The following FER variants were observed in gnomAD, a reference collection of about 807,000 sequenced individuals.
FER encodes the protein FER tyrosine kinase.
Under a neutral mutation model 111.0 loss-of-function variants are expected in FER, and 63 were observed. The observed-to-expected ratio is 0.57, with a 90% CI of 0.46 to 0.70. The LOEUF (loss-of-function observed/expected upper bound fraction) is 0.70, where lower values mean the gene tolerates loss of function less well. Ranked by LOEUF, FER falls within the 30% of genes least tolerant of loss-of-function variation. The pLI is 0.00. For synonymous variants in FER, 327 were observed against 313.9 expected (o/e 1.04, Z -0.44); for missense variants, 914 against 954.0 (o/e 0.96, Z 0.55).
intron 16 of FER, among the ~76,000 whole-genome samples, chr5:109,089,263 T>C (rs1777900811): frequency 6.6e-6 from 1 of 152,202 alleles, no homozygotes; most frequent in Non-Finnish European, 1.5e-5. Flanking sequence ...AAAATAGTAC[T>C]GTTGAACCCT....
At position 109,088,114 on chromosome 5, in the gene FER, A is replaced by G. The variant is rs997023765; in HGVS notation, c.1925-12282A>G. ...GTTTTATACACACAGGAGTATTTGC[A>G]CTTGGGATCATAGTGAAAAATGTAT... is the stretch of plus-strand genomic sequence containing the variant. On this transcript the variant is annotated intron_variant, in intron 16 of 19. Transcript: ENST00000281092. Among the ~76,000 whole-genome samples, 3 of 152,078 alleles carry G rather than the reference A, an allele frequency of 2.0e-5. No homozygotes were observed. The South Asian group carries it at 6.2e-4, about 32-fold the overall frequency.
chr5:108,870,114 TA>T (rs573254448), intron 6 of FER, among the ~76,000 whole-genome samples: 134 of 152,258 alleles, frequency 8.8e-4, no homozygotes, highest in African/African-American at 2.9e-3. Flanking sequence ...ATCACTGGAA[TA>T]TTTTTTTGAG....
At chr5:108,763,889 G>A (rs1305233576) in intron 1 of FER, among the ~76,000 whole-genome samples, 1 of 152,084 alleles carries the variant, frequency 6.6e-6, no homozygotes, top group East Asian at 1.9e-4. Flanking sequence ...CTTTGTTTGG[G>A]TTGCTTGATT....
intron 18 of FER, among the ~76,000 whole-genome samples, chr5:109,184,627 A>G (rs945111865): frequency 6.6e-6 from 1 of 152,238 alleles, no homozygotes; most frequent in African/African-American, 2.4e-5. Flanking sequence ...ACTTGTAGCC[A>G]TAGAATGATT....
At chr5:108,964,489 C>T (rs1183635748) in intron 13 of FER, among the ~76,000 whole-genome samples, 2 of 152,156 alleles carry the variant, frequency 1.3e-5, no homozygotes, top group Admixed American at 1.3e-4. Flanking sequence ...TACTGACTGT[C>T]TATTCTCCTT....
intron 13 of FER, among the ~76,000 whole-genome samples, chr5:109,025,550 A>G (rs1768590553): frequency 1.3e-5 from 2 of 151,702 alleles, no homozygotes; most frequent in African/African-American, 2.4e-5. Context: ...TAGATATACA[A>G]TCATGTCGTC....
rs1467196248 is a variant in FER, at chr5:109,192,654, A to ATCTT, written c.*5081_*5084dup. The ATCTT allele has an allele frequency of 1.3e-5, 2 of 152,132 alleles. No individual in the cohort carries two copies. The highest frequency in any genetic ancestry group is 2.4e-5 in the African/African-American group (1 of 41,448). 9.4% of individuals were successfully genotyped at this position (152,132 alleles called of 1,614,324 possible). ...ACTGATTATCCACACGTTATTAGAA[A>ATCTT]TCTTTGGTTACAGTGAGGCTTAACC... On this transcript the variant is annotated 3_prime_UTR_variant, in exon 20 of 20. Coordinates refer to ENST00000281092, the MANE Select transcript of FER (RefSeq NM_005246.4).
At chr5:109,056,083 A>T (rs1424021072) in intron 16 of FER, among the ~76,000 whole-genome samples, 1 of 152,190 alleles carries the variant, frequency 6.6e-6, no homozygotes, top group African/African-American at 2.4e-5. Flanking sequence ...GATAACAAAT[A>T]TTGGCAGGGG....
chr5:109,180,670 A>G (rs1388646035), intron 17 of FER, 77 bp from the exon 18 acceptor site: 17 of 1,463,048 alleles, frequency 1.2e-5, no homozygotes, highest in Non-Finnish European at 1.5e-5. Context: ...TAAAAATGCA[A>G]AGTGTGGAAA....
chr5:108,793,795 GT>G (rs56884995), intron 2 of FER, among the ~76,000 whole-genome samples: 66,024 of 151,616 alleles, frequency 0.44, 16,425 homozygotes, highest in African/African-American at 0.69. Context: ...TTCATTGTAT[GT>G]TTTTTTGATT....
chr5:108,835,566 T>C (rs1760566537), intron 4 of FER, 142 bp from the exon 5 acceptor site: 2 of 455,220 alleles, frequency 4.4e-6, no homozygotes, highest in Non-Finnish European at 4.0e-6. Context: ...ACTTGTAGTT[T>C]ATTTTCTATA....
chr5:109,051,377 G>A lies in FER; in HGVS notation c.1924+4179G>A, dbSNP rs1445284224. ...CGACTGCTGGCTCTGCTTGAAGGTT[G>A]CTGGTCCACAATGGCTAGTGGCTGT... On this transcript the variant is annotated intron_variant, in intron 16 of 19. Transcript: ENST00000281092. The A allele has an allele frequency of 6.2e-6, 10 of 1,611,526 alleles. No homozygotes were observed. The East Asian group carries it at 2.0e-4, about 32-fold the overall frequency.
At chr5:109,059,698 T>C (rs1245928217) in intron 16 of FER, among the ~76,000 whole-genome samples, 1 of 152,126 alleles carries the variant, frequency 6.6e-6, no homozygotes, top group Non-Finnish European at 1.5e-5. Context: ...GTGATAAAAA[T>C]ATGAGGAAAC....
At chr5:109,164,236 TTAA>T (rs1561978008) in intron 17 of FER, among the ~76,000 whole-genome samples, 2 of 152,198 alleles carry the variant, frequency 1.3e-5, no homozygotes, top group South Asian at 4.1e-4. Context: ...CAGTGCCTTT[TTAA>T]TAATTAGACC....
At position 109,051,168 on chromosome 5, in the gene FER, A is replaced by G. The variant is rs1321950377; in HGVS notation, c.1924+3970A>G. 7.6e-6 allele frequency: 5 copies of G among 655,920 alleles called. No homozygotes were observed. In the East Asian group the frequency reaches 1.1e-4, roughly 14 times the overall value. 40.6% of individuals were successfully genotyped at this position (655,920 alleles called of 1,614,324 possible). On this transcript the variant is annotated intron_variant, in intron 16 of 19. Coordinates refer to ENST00000281092, the MANE Select transcript of FER (RefSeq NM_005246.4). ...CACCCCCAGTGAACCTAGGTATTCT[A>G]ATGTCTTTGTGTTTTCTAAGCCTCA...
chr5:109,032,398 G>A (rs1561802017), intron 13 of FER, among the ~76,000 whole-genome samples: 1 of 152,072 alleles, frequency 6.6e-6, no homozygotes, highest in Admixed American at 6.6e-5. Context: ...ACAGGTAATA[G>A]CTTACCTTAT....
At chr5:108,953,329 A>T (rs1758008062) in intron 11 of FER, among the ~76,000 whole-genome samples, 1 of 152,002 alleles carries the variant, frequency 6.6e-6, no homozygotes, top group Non-Finnish European at 1.5e-5. Context: ...ATATATGTTA[A>T]ATATGATACA....
At chr5:109,147,450 T>C (rs1394800504) in intron 17 of FER, among the ~76,000 whole-genome samples, 4 of 151,950 alleles carry the variant, frequency 2.6e-5, no homozygotes, top group African/African-American at 9.7e-5. Context: ...TCTGTGAAAT[T>C]ACAGGCATGC....
intron 2 of FER, among the ~76,000 whole-genome samples, chr5:108,790,235 C>CCACACACACACACACACACACACACA (rs66805209): frequency 6.9e-6 from 1 of 145,094 alleles, no homozygotes; most frequent in African/African-American, 2.6e-5. Flanking sequence ...TGCATACACA[C>CCACACACACACACACACACACACACA]CACACACACA....
Sources: allele counts gnomAD v4.1 joint callset (sites outside exome capture counted in the v4.1 genomes callset), GRCh38; gene constraint gnomAD v4.1.1; transcripts MANE v1.5; gene names NCBI Gene and HGNC (gene_info 2026-07-23, HGNC 2026-07-21).